Variants in NLGN1 observed in about 807,000 individuals in gnomAD.
NLGN1 encodes the protein neuroligin 1.
A neutral mutation model predicts 65.5 loss-of-function variants in NLGN1; 12 were observed. The observed-to-expected ratio is 0.18, with a 90% CI of 0.12 to 0.30. NLGN1 has a LOEUF of 0.30. Among genes scored for constraint, NLGN1 ranks in the 10% least tolerant of loss-of-function variants. The pLI, the probability that NLGN1 is intolerant of heterozygous loss-of-function variation, is 1.00. For missense variants in NLGN1, 750 were observed against 1,007.1 expected (o/e 0.74, Z 3.46); for synonymous variants, 350 against 359.5 (o/e 0.97, Z 0.30).
chr3:173,953,052 T>C (rs1748531368), intron 4 of NLGN1, among the ~76,000 whole-genome samples: 1 of 152,194 alleles, frequency 6.6e-6, no homozygotes, highest in Admixed American at 6.5e-5. Context: ...GTGCTGGTAT[T>C]ACAGGCGTGA....
chr3:173,654,432 T>A, intron 3 of NLGN1, among the ~76,000 whole-genome samples: 1 of 152,152 alleles, frequency 6.6e-6, no homozygotes, highest in Non-Finnish European at 1.5e-5. Context: ...ATTGTTACTC[T>A]TATCCTGTAT....
intron 4 of NLGN1, among the ~76,000 whole-genome samples, chr3:174,226,567 A>G (rs546529183): frequency 2.6e-5 from 4 of 152,292 alleles, no homozygotes; most frequent in Non-Finnish European, 5.9e-5. Context: ...AAGACTATAT[A>G]TAAGATGCTT....
intron 3 of NLGN1, among the ~76,000 whole-genome samples, chr3:173,782,204 G>A (rs1455547873): frequency 6.6e-6 from 1 of 152,016 alleles, no homozygotes; most frequent in Admixed American, 6.6e-5. Context: ...GGGAAAGACA[G>A]GGTGTTGAAA....
At chr3:173,880,754 TTAAAG>T (rs1247150956) in intron 4 of NLGN1, among the ~76,000 whole-genome samples, 3 of 152,188 alleles carry the variant, frequency 2.0e-5, no homozygotes, top group Non-Finnish European at 2.9e-5. Flanking sequence ...TTGCAATTTC[TTAAAG>T]TAAGACAACA....
chr3:173,511,522 A>G (rs1305330695), intron 2 of NLGN1, among the ~76,000 whole-genome samples: 1 of 152,176 alleles, frequency 6.6e-6, no homozygotes, highest in Non-Finnish European at 1.5e-5. Context: ...TTGGACATTA[A>G]TGTGGGGAAA....
At chr3:174,195,934 CG>C (rs1393383245) in intron 4 of NLGN1, among the ~76,000 whole-genome samples, 1 of 152,132 alleles carries the variant, frequency 6.6e-6, no homozygotes, top group Non-Finnish European at 1.5e-5. Flanking sequence ...GGAGAGTAAA[CG>C]TAACTCTTAG....
chr3:173,515,149 A>G (rs187893247), intron 2 of NLGN1, among the ~76,000 whole-genome samples: 189 of 152,244 alleles, frequency 1.2e-3, no homozygotes, highest in African/African-American at 4.2e-3. Context: ...ATTTATCCAC[A>G]ACCTCACCAA....
chr3:174,260,359 T>G (rs2152857229), intron 4 of NLGN1, among the ~76,000 whole-genome samples: 1 of 149,630 alleles, frequency 6.7e-6, no homozygotes, highest in Non-Finnish European at 1.5e-5. Context: ...GTTTCCTGAC[T>G]TTTTAATGAT....
intron 2 of NLGN1, among the ~76,000 whole-genome samples, chr3:173,600,590 A>ATTTTTTTTTTTTTTTTTTTTTTTTTTTT (rs1553771688): frequency 6.0e-5 from 1 of 16,698 alleles, no homozygotes; most frequent in Non-Finnish European, 2.5e-4. Flanking sequence ...ATAAAAACAT[A>ATTTTTTTTTTTTTTTTTTTTTTTTTTTT]TCTTTTTTTT....
intron 3 of NLGN1, among the ~76,000 whole-genome samples, chr3:173,651,920 G>A (rs1337274476): frequency 1.3e-5 from 2 of 152,094 alleles, no homozygotes; most frequent in African/African-American, 4.8e-5. Context: ...AGCTTCCTGA[G>A]TAGTTGGGAT....
intron 3 of NLGN1, among the ~76,000 whole-genome samples, chr3:173,739,637 A>T (rs1386367786): frequency 6.6e-6 from 1 of 152,060 alleles, no homozygotes; most frequent in Non-Finnish European, 1.5e-5. Context: ...CCATAATTAA[A>T]TGTCACATCA....
chr3:173,590,672 A>C (rs961996403), intron 2 of NLGN1, among the ~76,000 whole-genome samples: 1 of 152,204 alleles, frequency 6.6e-6, no homozygotes. Flanking sequence ...TCTTTATGTA[A>C]TGAATACCTG....
chr3:173,725,665 T>G (rs1229259826), intron 3 of NLGN1, among the ~76,000 whole-genome samples: 1 of 152,150 alleles, frequency 6.6e-6, no homozygotes, highest in Admixed American at 6.6e-5. Flanking sequence ...CCACATACAT[T>G]TATTATGTCA....
chr3:174,141,334 T>C (rs1722240018), intron 4 of NLGN1, among the ~76,000 whole-genome samples: 1 of 152,194 alleles, frequency 6.6e-6, no homozygotes. Flanking sequence ...AAGTGTTTCC[T>C]AATCTTTCAT....
intron 3 of NLGN1, among the ~76,000 whole-genome samples, chr3:173,775,470 CT>C (rs529036981): frequency 3.2e-4 from 48 of 148,092 alleles, no homozygotes; most frequent in East Asian, 1.4e-3. Flanking sequence ...CTTTCTGATG[CT>C]TTTTTTTTTC....
At chr3:174,133,767 A>G (rs778413857) in intron 4 of NLGN1, among the ~76,000 whole-genome samples, 3 of 152,130 alleles carry the variant, frequency 2.0e-5, no homozygotes, top group Non-Finnish European at 2.9e-5. Context: ...CGGAAGTCCC[A>G]TAAGATAAAA....
chr3:173,933,444 C>T (rs1361122501), intron 4 of NLGN1, among the ~76,000 whole-genome samples: 1 of 152,082 alleles, frequency 6.6e-6, no homozygotes, highest in Non-Finnish European at 1.5e-5. Context: ...GATGGGGATT[C>T]TAGAGAGAGT....
intron 3 of NLGN1, among the ~76,000 whole-genome samples, chr3:173,727,183 G>A (rs1482182307): frequency 2.6e-5 from 4 of 152,074 alleles, no homozygotes; most frequent in African/African-American, 9.7e-5. Flanking sequence ...ACATCAGAGG[G>A]GGAAACAGAT....
intron 3 of NLGN1, among the ~76,000 whole-genome samples, chr3:173,633,905 A>G (rs1009693747): frequency 1.3e-5 from 2 of 152,284 alleles, no homozygotes; most frequent in Admixed American, 6.5e-5. Context: ...CCTCTTACAT[A>G]TAATCCACTT....
Sources: gnomAD v4.1 joint callset for allele counts (sites outside exome capture counted in the v4.1 genomes callset) on GRCh38, gnomAD v4.1.1 for gene constraint, MANE v1.5 for transcripts, NCBI Gene and HGNC (gene_info 2026-07-23, HGNC 2026-07-21) for gene names.